Variants in RABGAP1 observed in about 807,000 individuals in gnomAD.
RABGAP1 encodes the protein RAB GTPase activating protein 1.
Under a neutral mutation model 137.6 loss-of-function variants are expected in RABGAP1, and 23 were observed. The observed-to-expected ratio is 0.17, with a 90% CI of 0.12 to 0.24. RABGAP1 has a LOEUF of 0.24. RABGAP1 is among the 10% of genes least tolerant of loss of function. The pLI, the probability that RABGAP1 is intolerant of heterozygous loss-of-function variation, is 1.00. For missense variants in RABGAP1, 906 were observed against 1,275.8 expected, an observed-to-expected ratio of 0.71 and a Z score of 4.42; for synonymous variants, 451 against 450.7, an observed-to-expected ratio of 1.00 and a Z score of -0.01.
chr9:123,042,153 C>G (rs898567620), intron 13 of RABGAP1, among the ~76,000 whole-genome samples: 1 of 152,180 alleles, frequency 6.6e-6, no homozygotes, highest in Non-Finnish European at 1.5e-5. Flanking sequence ...ACACTACACT[C>G]TCAGAATGTT....
chr9:122,975,579 C>T (rs537656064), intron 2 of RABGAP1, among the ~76,000 whole-genome samples: 6 of 152,202 alleles, frequency 3.9e-5, no homozygotes, highest in African/African-American at 2.4e-5. Context: ...CTTTGGGCCA[C>T]GAAAAGTAGA....
At chr9:123,030,104 G>A (rs1395326011) in intron 13 of RABGAP1, among the ~76,000 whole-genome samples, 1 of 152,116 alleles carries the variant, frequency 6.6e-6, no homozygotes, top group East Asian at 1.9e-4. Context: ...GTGTTTGCAG[G>A]TCAGAAAGTA....
rs143225961 is a variant in RABGAP1, at chr9:123,078,159, T to C, written c.2424+1397T>C. Among the ~76,000 whole-genome samples, 15 of 151,654 alleles carry C rather than the reference T, an allele frequency of 9.9e-5. No individual in the cohort carries two copies. The East Asian group carries it at 2.9e-3, about 29-fold the overall frequency. On this transcript the variant is annotated intron_variant, in intron 19 of 25. Transcript: ENST00000373647. Reference sequence around the variant, plus strand: ...CATAAAGTTAAGACCTCTGAATGGCTCCCCTATCTGTTAAAGGAGGAATAC... The same window carrying C: ...CATAAAGTTAAGACCTCTGAATGGCCCCCCTATCTGTTAAAGGAGGAATAC...
In RABGAP1 at chr9:123,041,927, T is replaced by TTCCCCATCCCACCTGAA. The variant is rs1159651913; in HGVS notation, c.1794+21497_1794+21513dup. Among the ~76,000 whole-genome samples the TTCCCCATCCCACCTGAA allele has an allele frequency of 5.3e-5, 8 of 152,286 alleles. No homozygotes were observed. In the South Asian group the frequency reaches 6.2e-4, roughly 12 times the overall value. On this transcript the variant is annotated intron_variant, in intron 13 of 25. Coordinates refer to ENST00000373647, the MANE Select transcript of RABGAP1 (RefSeq NM_012197.4). ...TAGACATCATCACCCCTTACTCCTC[T>TTCCCCATCCCACCTGAA]TCCCCATCCCACCTGAATCCCCATC...
chr9:123,011,474 G>GA (rs1159585594), intron 11 of RABGAP1, among the ~76,000 whole-genome samples: 1 of 151,792 alleles, frequency 6.6e-6, no homozygotes, highest in Non-Finnish European at 1.5e-5. Flanking sequence ...AGTGAGCACT[G>GA]ACTTTCTTCA....
At chr9:123,074,214 A>G in intron 16 of RABGAP1, 71 bp from the exon 17 acceptor site, 1 of 1,575,890 alleles carries the variant, frequency 6.3e-7, no homozygotes, top group Non-Finnish European at 8.6e-7. Flanking sequence ...TTCCTGGTAG[A>G]TTTATGAGCC....
intron 13 of RABGAP1, among the ~76,000 whole-genome samples, chr9:123,051,216 G>GTTTTTTTTTTTTTTTTTTTTTTT (rs552457119): frequency 2.9e-5 from 1 of 34,280 alleles, no homozygotes; most frequent in African/African-American, 1.2e-4. Context: ...ATTCACCTTG[G>GTTTTTTTTTTTTTTTTTTTTTTT]TTTTTTTTTT....
intron 13 of RABGAP1, among the ~76,000 whole-genome samples, chr9:123,055,391 T>TTTTA (rs577160062): frequency 6.3e-4 from 95 of 151,736 alleles, no homozygotes; most frequent in African/African-American, 2.2e-3. Flanking sequence ...TTTGTTGAGG[T>TTTTA]TTTATTTATT....
chr9:122,980,148 T>C (rs1048698674), intron 2 of RABGAP1, among the ~76,000 whole-genome samples: 2 of 152,192 alleles, frequency 1.3e-5, no homozygotes, highest in African/African-American at 2.4e-5. Context: ...AAAGTCAGAG[T>C]TGAGTAGCTG....
intron 13 of RABGAP1, among the ~76,000 whole-genome samples, chr9:123,051,914 C>T (rs2033495778): frequency 6.6e-6 from 1 of 150,974 alleles, no homozygotes; most frequent in Non-Finnish European, 1.5e-5. Context: ...GCCTCAGCCT[C>T]CTGAGTAGCT....
Position 122,945,147 on chromosome 9 carries a change from C to CTTTTTTTTTTTTTTTTTTTTTTTTTTTTT in RABGAP1, c.-50+4070_-50+4071insTTTTTTTTTTTTTTTTTTTTTTTTTTTTT, listed in dbSNP as rs202090815. Among the ~76,000 whole-genome samples the CTTTTTTTTTTTTTTTTTTTTTTTTTTTTT allele has an allele frequency of 2.0e-4, 15 of 75,826 alleles. 5 individuals are homozygous for CTTTTTTTTTTTTTTTTTTTTTTTTTTTTT. The highest frequency in any genetic ancestry group is 3.7e-4 in the Non-Finnish European group (13 of 34,992). The allele number at this position is 75,826 out of a possible 152,430, so 49.7% of individuals were successfully genotyped here. A position where few individuals can be genotyped will look rare whatever the true frequency, so the allele number is the denominator to read the frequency against. On this transcript the variant is annotated intron_variant, in intron 1 of 25. Coordinates refer to ENST00000373647, the MANE Select transcript of RABGAP1 (RefSeq NM_012197.4). Reference sequence around the variant, plus strand: ...CACCATGTATACATCATAGCTGTTGCTTTTTTTTTTTTTTTTAGCATAAAC... The same window carrying CTTTTTTTTTTTTTTTTTTTTTTTTTTTTT: ...CACCATGTATACATCATAGCTGTTGCTTTTTTTTTTTTTTTTTTTTTTTTTTTTTTTTTTTTTTTTTTTTTAGCATAAAC...
At chr9:122,958,077 CT>C (rs921835770) in intron 2 of RABGAP1, among the ~76,000 whole-genome samples, 1 of 152,170 alleles carries the variant, frequency 6.6e-6, no homozygotes, top group Non-Finnish European at 1.5e-5. Flanking sequence ...TAGGCACCCC[CT>C]AACTGGGAAT....
chr9:122,942,679 A>AAAAG (rs1359952192), intron 1 of RABGAP1, among the ~76,000 whole-genome samples: 48 of 151,248 alleles, frequency 3.2e-4, no homozygotes, highest in African/African-American at 1.1e-3. Flanking sequence ...CAAAAAAAAA[A>AAAAG]AAAAAAAAAC....
At chr9:123,060,279 C>T (rs751394663) in intron 13 of RABGAP1, among the ~76,000 whole-genome samples, 5 of 152,116 alleles carry the variant, frequency 3.3e-5, no homozygotes, top group East Asian at 1.9e-4. Context: ...TCCCTTATGC[C>T]CCTTTTCAGT....
intron 13 of RABGAP1, among the ~76,000 whole-genome samples, chr9:123,045,061 TG>T (rs1333042160): frequency 1.3e-5 from 2 of 152,246 alleles, no homozygotes; most frequent in African/African-American, 4.8e-5. Context: ...ATGAAAGATT[TG>T]TTGGCTTGTT....
chr9:123,017,237 C>T (rs2031297515), intron 12 of RABGAP1, among the ~76,000 whole-genome samples: 1 of 152,118 alleles, frequency 6.6e-6, no homozygotes, highest in Admixed American at 6.5e-5. Context: ...TATTTAAAAT[C>T]ATGTAGATAT....
intron 19 of RABGAP1, among the ~76,000 whole-genome samples, chr9:123,079,675 C>T (rs1297847739): frequency 3.9e-5 from 6 of 152,272 alleles, no homozygotes; most frequent in South Asian, 2.1e-4. Context: ...AATTCAGACA[C>T]GCTGGCCTCC....
At chr9:122,980,043 A>G (rs537007161) in intron 2 of RABGAP1, among the ~76,000 whole-genome samples, 14 of 152,316 alleles carry the variant, frequency 9.2e-5, no homozygotes, top group Non-Finnish European at 1.6e-4. Flanking sequence ...CTGCTGGCCT[A>G]ATCTGGTCTG....
chr9:122,942,669 C>CAAAAAAAAAAAAA (rs10660327), intron 1 of RABGAP1, among the ~76,000 whole-genome samples: 3 of 90,342 alleles, frequency 3.3e-5, no homozygotes, highest in African/African-American at 8.7e-5. Flanking sequence ...GACTCCGTCT[C>CAAAAAAAAAAAAA]AAAAAAAAAA....
Sources: gnomAD v4.1 joint callset for allele counts (sites outside exome capture counted in the v4.1 genomes callset) on GRCh38, gnomAD v4.1.1 for gene constraint, MANE v1.5 for transcripts, NCBI Gene and HGNC (gene_info 2026-07-23, HGNC 2026-07-21) for gene names.